Variants in MALRD1 observed in about 807,000 individuals in gnomAD.
MALRD1 encodes the protein MAM and LDL-receptor class A domain-containing protein 1.
MALRD1 carries 247 observed loss-of-function variants against 242.1 expected under a neutral mutation model. That is an observed-to-expected ratio of 1.02 (90% confidence interval 0.92 to 1.13). The LOEUF (loss-of-function observed/expected upper bound fraction) is 1.13. MALRD1 is among the 50% of genes most tolerant of loss of function. MALRD1 has a pLI of 0.00. For synonymous variants in MALRD1, 995 were observed against 866.6 expected (o/e 1.15, Z -2.60); for missense variants, 2,989 against 2,533.1 (o/e 1.18, Z -3.86).
intron 14 of MALRD1, among the ~76,000 whole-genome samples, chr10:19,198,138 C>T (rs907075592): frequency 6.6e-5 from 10 of 151,974 alleles, no homozygotes; most frequent in Admixed American, 3.3e-4. Flanking sequence ...TTTAATATAG[C>T]GTCAAGTATT....
At chr10:19,720,980 A>G (rs1234614592) in intron 38 of MALRD1, among the ~76,000 whole-genome samples, 3 of 152,070 alleles carry the variant, frequency 2.0e-5, no homozygotes, top group Non-Finnish European at 4.4e-5. Context: ...GAACAAGTAA[A>G]CATACCAGAA....
intron 28 of MALRD1, among the ~76,000 whole-genome samples, chr10:19,428,884 C>T (rs1028961094): frequency 2.6e-5 from 4 of 151,978 alleles, no homozygotes; most frequent in Admixed American, 2.6e-4. Context: ...AGCTCTGAAG[C>T]TCTTTAAAAA....
intron 12 of MALRD1, among the ~76,000 whole-genome samples, chr10:19,159,040 G>A (rs571200747): frequency 1.3e-5 from 2 of 152,322 alleles, no homozygotes; most frequent in African/African-American, 2.4e-5. Context: ...AGGAAAGGGC[G>A]AGCAGGTGCT....
chr10:19,069,505 T>C (rs1835077082), intron 2 of MALRD1, among the ~76,000 whole-genome samples: 1 of 152,050 alleles, frequency 6.6e-6, no homozygotes, highest in Non-Finnish European at 1.5e-5. Flanking sequence ...CTTCTACCTA[T>C]CTGAGTTTGT....
intron 35 of MALRD1, among the ~76,000 whole-genome samples, chr10:19,608,793 C>G (rs1266268296): frequency 6.6e-6 from 1 of 151,952 alleles, no homozygotes; most frequent in South Asian, 2.1e-4. Flanking sequence ...TACTCACAGA[C>G]CACTGCATTT....
chr10:19,676,550 A>G (rs1202484028), intron 36 of MALRD1, among the ~76,000 whole-genome samples: 1 of 152,218 alleles, frequency 6.6e-6, no homozygotes, highest in African/African-American at 2.4e-5. Context: ...TTAAGTTTGA[A>G]TAATGCAGCC....
chr10:19,346,683 G>T (rs371955814), intron 24 of MALRD1, among the ~76,000 whole-genome samples: 1 of 151,800 alleles, frequency 6.6e-6, no homozygotes, highest in Non-Finnish European at 1.5e-5. Context: ...ATGGAGTCTC[G>T]CTCTATCACC....
chr10:19,575,524 TACTC>T (rs1836773989), intron 33 of MALRD1, among the ~76,000 whole-genome samples: 5 of 150,020 alleles, frequency 3.3e-5, no homozygotes, highest in Admixed American at 2.6e-4. Flanking sequence ...AACACACACT[TACTC>T]AGCATTACTA....
chr10:19,088,353 T>C (rs1007749093), intron 4 of MALRD1, among the ~76,000 whole-genome samples, 168 bp downstream of exon 4: 3 of 152,072 alleles, frequency 2.0e-5, no homozygotes, highest in Non-Finnish European at 4.4e-5. Context: ...TTGGGATGGC[T>C]AGTCACCCTA....
Position 19,638,101 on chromosome 10 carries a change from C to CAAAAAA in MALRD1, c.6137+22200_6137+22205dup, listed in dbSNP as rs56865342. Among the ~76,000 whole-genome samples, 93 of 41,920 alleles carry CAAAAAA rather than the reference C, an allele frequency of 2.2e-3. 3 individuals are homozygous for CAAAAAA. Among genetic ancestry groups the CAAAAAA allele is most frequent in the Non-Finnish European group, 2.9e-3 (55 of 18,900 alleles). The allele number at this position is 41,920 out of a possible 152,430, so 27.5% of individuals were successfully genotyped here. A position where few individuals can be genotyped will look rare whatever the true frequency, so the allele number is the denominator to read the frequency against. ...GGGCAACAAGAGAGAAACTCACTCT[C>CAAAAAA]AAAAAAAAAAAAAAAAAAAAAAAAA... On this transcript the variant is annotated intron_variant, in intron 36 of 39. Coordinates refer to ENST00000454679, the MANE Select transcript of MALRD1 (RefSeq NM_001142308.3).
At chr10:19,182,584 C>T (rs984874908) in intron 14 of MALRD1, among the ~76,000 whole-genome samples, 1 of 151,976 alleles carries the variant, frequency 6.6e-6, no homozygotes, top group African/African-American at 2.4e-5. Flanking sequence ...TCCGCCTCAG[C>T]CTCCCAAAGT....
chr10:19,506,636 A>G (rs1833157498), intron 31 of MALRD1, among the ~76,000 whole-genome samples: 1 of 152,172 alleles, frequency 6.6e-6, no homozygotes, highest in Admixed American at 6.5e-5. Flanking sequence ...AAATGTGCAT[A>G]TATAAGTAAA....
At chr10:19,498,978 A>G (rs3814612) in intron 31 of MALRD1, among the ~76,000 whole-genome samples, 5,195 of 152,266 alleles carry the variant, frequency 0.034, 167 homozygotes, top group African/African-American at 0.084. Context: ...GCAAAGATAT[A>G]CAACTGGCAA....
intron 26 of MALRD1, among the ~76,000 whole-genome samples, chr10:19,366,378 G>T (rs1386892025): frequency 6.6e-6 from 1 of 152,038 alleles, no homozygotes; most frequent in African/African-American, 2.4e-5. Flanking sequence ...CTGACAGGAG[G>T]CGGAGCTCAG....
At chr10:19,733,051 G>C (rs1835359785) in intron 39 of MALRD1, among the ~76,000 whole-genome samples, 1 of 152,034 alleles carries the variant, frequency 6.6e-6, no homozygotes. Flanking sequence ...ACTTTGTATT[G>C]ATTAAACTAG....
At chr10:19,064,495 A>C (rs1278930411) in intron 1 of MALRD1, among the ~76,000 whole-genome samples, 1 of 151,878 alleles carries the variant, frequency 6.6e-6, no homozygotes, top group East Asian at 1.9e-4. Flanking sequence ...CAGTTATTAG[A>C]AGTTCAGGAT....
At chr10:19,171,459 C>T (rs12255954) in intron 13 of MALRD1, among the ~76,000 whole-genome samples, 1,212 of 50,652 alleles carry the variant, frequency 0.024, 60 homozygotes, top group African/African-American at 0.064. Flanking sequence ...TATATATATA[C>T]ACACATGTAT....
At chr10:19,078,505 TG>T (rs1323922872) in intron 2 of MALRD1, among the ~76,000 whole-genome samples, 2 of 151,926 alleles carry the variant, frequency 1.3e-5, no homozygotes, top group Admixed American at 6.6e-5. Flanking sequence ...TGTCTTTGTC[TG>T]GTTTTGGTTT....
intron 5 of MALRD1, among the ~76,000 whole-genome samples, chr10:19,113,876 T>A (rs1282486841): frequency 2.0e-5 from 3 of 151,620 alleles, no homozygotes; most frequent in Admixed American, 6.6e-5. Context: ...TCTCCATGAC[T>A]AAATTCTAAG....
Sources: gnomAD v4.1 joint callset for allele counts (sites outside exome capture counted in the v4.1 genomes callset) on GRCh38, gnomAD v4.1.1 for gene constraint, MANE v1.5 for transcripts, NCBI Gene and HGNC (gene_info 2026-07-23, HGNC 2026-07-21) for gene names.